Variants in JMY observed in about 807,000 individuals in gnomAD.
JMY encodes junction mediating and regulatory protein, p53 cofactor.
A neutral mutation model predicts 103.3 loss-of-function variants in JMY; 46 were observed. The ratio of observed to expected loss-of-function variants is 0.45; its 90% confidence interval spans 0.35 to 0.57. The LOEUF (loss-of-function observed/expected upper bound fraction) is 0.57, where lower values mean the gene tolerates loss of function less well. Ranked by LOEUF, JMY falls within the 20% of genes least tolerant of loss-of-function variation. The probability of loss-of-function intolerance (pLI) is 0.00; values close to 1 mark genes in which losing one functional copy is unlikely to be tolerated. For missense variants in JMY, 1,238 were observed against 1,255.2 expected (o/e 0.99, Z 0.21); for synonymous variants, 526 against 489.3 (o/e 1.07, Z -0.99).
At chr5:79,313,314 G>A (rs1221780179) in intron 8 of JMY, among the ~76,000 whole-genome samples, 2 of 152,082 alleles carry the variant, frequency 1.3e-5, no homozygotes, top group East Asian at 3.9e-4. Flanking sequence ...GGCCATTTGG[G>A]TGGCTGAAGT....
At position 79,267,499 on chromosome 5, in the gene JMY, T is replaced by G. The variant is rs114294284; in HGVS notation, c.1033-10411T>G. On this transcript the variant is annotated intron_variant, in intron 1 of 10. Coordinates refer to ENST00000396137, the MANE Select transcript of JMY (RefSeq NM_152405.5). ...GGAATCATATATAGCCTTTTCAGATTAGTTGTTTCAGTTAGCAATATACAT... is the reference window on the plus strand; with the variant it reads ...GGAATCATATATAGCCTTTTCAGATGAGTTGTTTCAGTTAGCAATATACAT... Among the ~76,000 whole-genome samples, 987 of 152,250 alleles carry G rather than the reference T, an allele frequency of 6.5e-3. 5 individuals are homozygous for G. Among genetic ancestry groups the G allele is most frequent in the Non-Finnish European group, 0.011 (767 of 68,020 alleles).
intron 2 of JMY, among the ~76,000 whole-genome samples, chr5:79,282,158 G>C (rs1001317364): frequency 2.6e-5 from 4 of 152,124 alleles, no homozygotes; most frequent in Non-Finnish European, 4.4e-5. Context: ...AGTGAGCCGA[G>C]ATCATGCCAC....
intron 1 of JMY, among the ~76,000 whole-genome samples, chr5:79,274,390 AAT>A (rs1745874548): frequency 1.3e-5 from 2 of 151,508 alleles, no homozygotes; most frequent in Non-Finnish European, 2.9e-5. Context: ...TTTTTTTAAA[AAT>A]AGTGTTTTTT....
Position 79,300,842 on chromosome 5 carries a change from A to G in JMY, c.1860A>G (p.Lys620=). Residue 620 remains lysine, a synonymous_variant, in exon 6 of 11, where the codon AAA becomes AAG. Transcript: ENST00000396137. ...GACGTGGACGGGTTTCTGCCAAGAA[A>G]TCCTACCTCAGAAATAAAAAGGTAT... is the stretch of plus-strand genomic sequence containing the variant. ...EARRGRVSAK[K]SYLRNKKEIC... 3 of 1,589,114 alleles carry G rather than the reference A, an allele frequency of 1.9e-6. No individual in the cohort carries two copies. Among genetic ancestry groups the G allele is most frequent in the Non-Finnish European group, 2.6e-6 (3 of 1,172,396 alleles).
chr5:79,273,615 C>G (rs1214796344), intron 1 of JMY, among the ~76,000 whole-genome samples: 1 of 152,078 alleles, frequency 6.6e-6, no homozygotes, highest in African/African-American at 2.4e-5. Flanking sequence ...TTCTCTTCTC[C>G]TCTGGAACTT....
chr5:79,304,458 G>A (rs1019375350), intron 6 of JMY, among the ~76,000 whole-genome samples: 5 of 151,808 alleles, frequency 3.3e-5, no homozygotes, highest in African/African-American at 9.7e-5. Flanking sequence ...TGAAAGAGTG[G>A]AGATAGGTGG....
rs751350086 is a variant in JMY at position 79,236,696 on chromosome 5, G to T, written c.46G>T (p.Val16Leu). Reference protein sequence around the residue: ...EETLESDWVAVRPHVFDEREK... With the variant: ...EETLESDWVALRPHVFDEREK... ...GACGCTCGAGTCGGACTGGGTGGCT[G>T]TGCGGCCCCATGTGTTCGACGAGCG... Residue 16 changes from valine to leucine, a missense_variant, in exon 1 of 11, where the codon GTG (valine) becomes TTG (leucine). Transcript: ENST00000396137. 6.7e-7 allele frequency: 1 copy of T among 1,495,810 alleles called. No individual in the cohort carries two copies. The highest frequency in any genetic ancestry group is 1.3e-5 in the South Asian group (1 of 77,978). The allele number at this position is 1,495,810 out of a possible 1,614,324, so 92.7% of individuals were successfully genotyped here. A position where few individuals can be genotyped will look rare whatever the true frequency, so the allele number is the denominator to read the frequency against.
intron 1 of JMY, among the ~76,000 whole-genome samples, chr5:79,248,596 A>G (rs111236159): frequency 0.011 from 1,678 of 151,946 alleles, 33 homozygotes; most frequent in African/African-American, 0.038. Context: ...AGCTTGAGCC[A>G]CCGCGCCGGC....
chr5:79,306,600 G>C, intron 7 of JMY, 139 bp downstream of exon 7: 1 of 634,418 alleles, frequency 1.6e-6, no homozygotes, highest in Non-Finnish European at 2.8e-6. Flanking sequence ...GCAGTTTTTA[G>C]GCAAAATTGA....
rs1440886029 is a variant in JMY at position 79,324,627 on chromosome 5, T to C, written c.*3025T>C. The C allele has an allele frequency of 2.6e-5, 4 of 152,200 alleles. No individual in the cohort carries two copies. The highest frequency in any genetic ancestry group is 7.2e-5 in the African/African-American group (3 of 41,462). The allele number at this position is 152,200 out of a possible 1,614,324, so 9.4% of individuals were successfully genotyped here. A position where few individuals can be genotyped will look rare whatever the true frequency, so the allele number is the denominator to read the frequency against. On this transcript the variant is annotated 3_prime_UTR_variant, in exon 11 of 11. Transcript: ENST00000396137. Reference sequence around the variant, plus strand: ...TTTTTAATTATTTAAAATCATTGTGTATATTACAGCAGTATGAGGAATGCC... The same window carrying C: ...TTTTTAATTATTTAAAATCATTGTGCATATTACAGCAGTATGAGGAATGCC...
At chr5:79,284,032 A>T in intron 2 of JMY, 1 of 732,150 alleles carries the variant, frequency 1.4e-6, no homozygotes, top group Non-Finnish European at 2.1e-6. Context: ...TTAATCCAAC[A>T]GCAAGGTACA....
chr5:79,292,906 C>T (rs1294521645), intron 4 of JMY, among the ~76,000 whole-genome samples: 1 of 152,130 alleles, frequency 6.6e-6, no homozygotes, highest in African/African-American at 2.4e-5. Context: ...GTCATTCTTG[C>T]CAGGTTTATG....
chr5:79,259,051 C>T (rs936642205), intron 1 of JMY, among the ~76,000 whole-genome samples: 4 of 152,016 alleles, frequency 2.6e-5, no homozygotes, highest in East Asian at 1.9e-4. Flanking sequence ...AGCTCCTCTC[C>T]GTAGCCAGCA....
Position 79,325,348 on chromosome 5 carries a change from C to G in JMY, c.*3746C>G, listed in dbSNP as rs1287028619. 1 of 152,048 alleles carries G rather than the reference C, an allele frequency of 6.6e-6. No homozygotes were observed. Among genetic ancestry groups the G allele is most frequent in the Non-Finnish European group, 1.5e-5 (1 of 67,992 alleles). The allele number at this position is 152,048 out of a possible 1,614,324, so 9.4% of individuals were successfully genotyped here. A position where few individuals can be genotyped will look rare whatever the true frequency, so the allele number is the denominator to read the frequency against. Reference sequence around the variant, plus strand: ...GGGAGTTGAAATTTCATACGCTTTACCAGGTTACTTGTAAAAAATGAACAG... The same window carrying G: ...GGGAGTTGAAATTTCATACGCTTTAGCAGGTTACTTGTAAAAAATGAACAG... On this transcript the variant is annotated 3_prime_UTR_variant, in exon 11 of 11. Coordinates refer to ENST00000396137, the MANE Select transcript of JMY (RefSeq NM_152405.5).
chr5:79,253,932 G>A (rs960754530), intron 1 of JMY, among the ~76,000 whole-genome samples: 3 of 150,310 alleles, frequency 2.0e-5, no homozygotes, highest in Non-Finnish European at 4.4e-5. Context: ...CCCTGAAAGT[G>A]CTGGTAGATG....
intron 1 of JMY, among the ~76,000 whole-genome samples, 153 bp downstream of exon 1, chr5:79,237,835 C>T (rs1476260975): frequency 6.6e-6 from 1 of 151,966 alleles, no homozygotes; most frequent in Non-Finnish European, 1.5e-5. Flanking sequence ...CTACCTTGCC[C>T]TTCATCCCTC....
chr5:79,310,563 A>G (rs1469034939), intron 7 of JMY, among the ~76,000 whole-genome samples: 1 of 152,202 alleles, frequency 6.6e-6, no homozygotes, highest in Non-Finnish European at 1.5e-5. Flanking sequence ...TTAAACCACC[A>G]GTGTCAGAAC....
chr5:79,250,880 T>C (rs1745066770), intron 1 of JMY, among the ~76,000 whole-genome samples: 1 of 152,072 alleles, frequency 6.6e-6, no homozygotes, highest in African/African-American at 2.4e-5. Flanking sequence ...GGGGTAGCTT[T>C]GCAAAGTCTA....
intron 4 of JMY, among the ~76,000 whole-genome samples, chr5:79,299,571 C>T (rs1166455725): frequency 1.3e-5 from 2 of 151,956 alleles, no homozygotes; most frequent in Non-Finnish European, 2.9e-5. Context: ...CAGCCTAGGA[C>T]GTTGATTACA....
Sources: gnomAD v4.1 joint callset for allele counts (sites outside exome capture counted in the v4.1 genomes callset) on GRCh38, gnomAD v4.1.1 for gene constraint, MANE v1.5 for transcripts, NCBI Gene and HGNC (gene_info 2026-07-23, HGNC 2026-07-21) for gene names.